The following ATP8A2 variants were observed in gnomAD, a reference collection of about 807,000 sequenced individuals.
ATP8A2 encodes the protein phospholipid-transporting ATPase IB.
Under a neutral mutation model 165.6 loss-of-function variants are expected in ATP8A2, and 100 were observed. That is an observed-to-expected ratio of 0.60 (90% CI 0.51 to 0.71). The LOEUF (loss-of-function observed/expected upper bound fraction) is 0.71, where lower values mean the gene tolerates loss of function less well. ATP8A2 is among the 30% of genes least tolerant of loss of function. The probability of loss-of-function intolerance (pLI) is 0.00; values close to 1 mark genes in which losing one functional copy is unlikely to be tolerated. For synonymous variants in ATP8A2, 543 were observed against 548.8 expected, an observed-to-expected ratio of 0.99 and a Z score of 0.15; for missense variants, 1,227 against 1,479.5, an observed-to-expected ratio of 0.83 and a Z score of 2.80.
At chr13:25,375,056 C>T (rs2032569313) in intron 1 of ATP8A2, among the ~76,000 whole-genome samples, 1 of 152,144 alleles carries the variant, frequency 6.6e-6, no homozygotes, top group Non-Finnish European at 1.5e-5. Context: ...TTTTAGCTTT[C>T]CCCAAATATC....
At chr13:25,417,028 C>CG (rs1339684117) in intron 1 of ATP8A2, among the ~76,000 whole-genome samples, 1 of 151,692 alleles carries the variant, frequency 6.6e-6, no homozygotes, top group Non-Finnish European at 1.5e-5. Flanking sequence ...TGGGCTATCT[C>CG]GGGGGGTGGT....
intron 33 of ATP8A2, among the ~76,000 whole-genome samples, chr13:25,917,308 CTTCT>C (rs1954297729): frequency 6.6e-6 from 1 of 150,378 alleles, no homozygotes; most frequent in Non-Finnish European, 1.5e-5. Context: ...CCTTCCCTTC[CTTCT>C]TTTTGTCCCC....
chr13:25,782,779 T>A (rs2044915262), intron 27 of ATP8A2, among the ~76,000 whole-genome samples: 1 of 152,190 alleles, frequency 6.6e-6, no homozygotes, highest in South Asian at 2.1e-4. Context: ...TCACTCTTGT[T>A]GCCAGGCTGG....
chr13:25,633,026 T>C (rs1565997280), intron 24 of ATP8A2, among the ~76,000 whole-genome samples: 1 of 152,134 alleles, frequency 6.6e-6, no homozygotes, highest in African/African-American at 2.4e-5. Flanking sequence ...CACGGAAGCA[T>C]GTTTAGTATC....
At chr13:25,648,109 T>C (rs1366912077) in intron 24 of ATP8A2, among the ~76,000 whole-genome samples, 2 of 152,196 alleles carry the variant, frequency 1.3e-5, no homozygotes, top group Non-Finnish European at 2.9e-5. Context: ...TTCTTTATTC[T>C]TTTTTCTTTT....
rs941549653 is a variant in ATP8A2 at position 25,750,671 on chromosome 13, C to A, written c.2385-18375C>A. On this transcript the variant is annotated intron_variant, in intron 25 of 36. Coordinates refer to ENST00000381655, the MANE Select transcript of ATP8A2 (RefSeq NM_016529.6). The surrounding 1 kb of genome is among the most constrained non-coding windows in gnomAD (Gnocchi z 4.3). ...AGTGTGGGGAGCCTGGGGGCCCTGT[C>A]GGCAGGTACCTCATATGTGTAGTTT... Among the ~76,000 whole-genome samples the A allele has an allele frequency of 1.3e-5, 2 of 152,064 alleles. No homozygotes were observed. The highest frequency in any genetic ancestry group is 2.9e-5 in the Non-Finnish European group (2 of 68,026).
At chr13:25,674,871 A>G (rs2042341212) in intron 24 of ATP8A2, among the ~76,000 whole-genome samples, 1 of 152,208 alleles carries the variant, frequency 6.6e-6, no homozygotes, top group South Asian at 2.1e-4. Context: ...ATTATTTCTC[A>G]CTCGCCTTCA....
At chr13:26,019,668 C>T (rs556963280) in intron 36 of ATP8A2, among the ~76,000 whole-genome samples, 1 of 152,314 alleles carries the variant, frequency 6.6e-6, no homozygotes, top group Non-Finnish European at 1.5e-5. Flanking sequence ...TTCCCAGCAT[C>T]AGCAGCTAGA....
At chr13:25,530,236 G>A (rs943907948) in intron 3 of ATP8A2, 138 bp downstream of exon 3, 1 of 634,532 alleles carries the variant, frequency 1.6e-6, no homozygotes, top group Admixed American at 2.9e-5. Context: ...GTTTGATAGA[G>A]TGAACAAGCC....
chr13:25,474,713 T>C (rs2035945535), intron 2 of ATP8A2, among the ~76,000 whole-genome samples: 6 of 150,800 alleles, frequency 4.0e-5, no homozygotes, highest in African/African-American at 1.5e-4. Flanking sequence ...TTGTTTTAAT[T>C]TATATTTTAG....
At chr13:25,927,194 C>A in intron 33 of ATP8A2, 1 of 456,732 alleles carries the variant, frequency 2.2e-6, no homozygotes, top group South Asian at 1.5e-5. Flanking sequence ...GTCCCTGTGC[C>A]CCGGAGCCCC....
intron 34 of ATP8A2, among the ~76,000 whole-genome samples, chr13:25,962,856 A>G (rs1470581094): frequency 6.6e-6 from 1 of 152,206 alleles, no homozygotes; most frequent in African/African-American, 2.4e-5. Flanking sequence ...ATGATACCTC[A>G]TGCAAATCTA....
At chr13:25,950,279 G>C (rs1055654831) in intron 33 of ATP8A2, among the ~76,000 whole-genome samples, 1 of 152,178 alleles carries the variant, frequency 6.6e-6, no homozygotes, top group Non-Finnish European at 1.5e-5. Flanking sequence ...ACAGCTTCAG[G>C]AAGATACAGC....
At chr13:25,704,929 CACACGTTTATT>C (rs2043024862) in intron 25 of ATP8A2, among the ~76,000 whole-genome samples, 1 of 152,154 alleles carries the variant, frequency 6.6e-6, no homozygotes, top group Non-Finnish European at 1.5e-5. Context: ...AATTCATTGT[CACACGTTTATT>C]ACTGATAATA....
chr13:25,499,456 A>G (rs1468549138), intron 2 of ATP8A2, among the ~76,000 whole-genome samples: 6 of 152,146 alleles, frequency 3.9e-5, no homozygotes, highest in Non-Finnish European at 8.8e-5. Flanking sequence ...GGGGGGTTGA[A>G]TCTTGGTTTA....
At chr13:25,557,934 A>G (rs1478514590) in intron 13 of ATP8A2, among the ~76,000 whole-genome samples, 1 of 151,414 alleles carries the variant, frequency 6.6e-6, no homozygotes, top group Non-Finnish European at 1.5e-5. Flanking sequence ...ATGAAGTTTC[A>G]CTCTTGTCAC....
At chr13:25,528,791 GTGTATGCACACATATGCAACA>G (rs2037927850) in intron 2 of ATP8A2, among the ~76,000 whole-genome samples, 2 of 79,156 alleles carry the variant, frequency 2.5e-5, no homozygotes, top group African/African-American at 7.8e-5. Context: ...TATGCAACAT[GTGTATGCACACATATGCAACA>G]TGTGTATGCA....
chr13:26,005,859 T>G (rs1035126922), intron 35 of ATP8A2, among the ~76,000 whole-genome samples: 12 of 152,034 alleles, frequency 7.9e-5, no homozygotes, highest in Non-Finnish European at 1.3e-4. Flanking sequence ...TCAATTATAT[T>G]CTCTTGATTT....
intron 24 of ATP8A2, among the ~76,000 whole-genome samples, chr13:25,691,805 A>G (rs1049877210): frequency 5.3e-5 from 8 of 152,268 alleles, no homozygotes; most frequent in Middle Eastern, 3.2e-3. Context: ...TGCCACCAGC[A>G]GCTGCCAGAG....
Sources: gnomAD v4.1 joint callset for allele counts (sites outside exome capture counted in the v4.1 genomes callset) on GRCh38, gnomAD v4.1.1 for gene constraint, Gnocchi (gnomAD v3.1) non-coding constraint, MANE v1.5 for transcripts, NCBI Gene and HGNC (gene_info 2026-07-23, HGNC 2026-07-21) for gene names.